The following DSCAM variants were observed in gnomAD, a reference collection of about 807,000 sequenced individuals.
The protein encoded by DSCAM is DS cell adhesion molecule.
Under a neutral mutation model 217.7 loss-of-function variants are expected in DSCAM, and 47 were observed. The observed-to-expected ratio is 0.22, with a 90% CI of 0.17 to 0.28. The LOEUF (loss-of-function observed/expected upper bound fraction) is 0.28. Among genes scored for constraint, DSCAM ranks in the 10% least tolerant of loss-of-function variants. The probability of loss-of-function intolerance (pLI) is 1.00; values close to 1 mark genes in which losing one functional copy is unlikely to be tolerated. For synonymous variants in DSCAM, 1,056 were observed against 1,015.3 expected, an observed-to-expected ratio of 1.04 and a Z score of -0.76; for missense variants, 2,080 against 2,618.3, an observed-to-expected ratio of 0.79 and a Z score of 4.49.
intron 4 of DSCAM, among the ~76,000 whole-genome samples, chr21:40,358,379 A>C (rs1394378476): frequency 1.3e-5 from 2 of 152,238 alleles, no homozygotes; most frequent in Non-Finnish European, 2.9e-5. Flanking sequence ...TATGGCCTAA[A>C]TATAACAGCT....
intron 3 of DSCAM, among the ~76,000 whole-genome samples, chr21:40,634,018 CAAAT>C (rs1165498907): frequency 6.6e-6 from 1 of 152,060 alleles, no homozygotes; most frequent in African/African-American, 2.4e-5. Flanking sequence ...CATAGCCTAA[CAAAT>C]AGAAAGAAAG....
chr21:40,689,407 T>C (rs1455791490), intron 3 of DSCAM, among the ~76,000 whole-genome samples: 1 of 152,112 alleles, frequency 6.6e-6, no homozygotes, highest in Non-Finnish European at 1.5e-5. Context: ...GGCTGACAGG[T>C]CACACTTCGC....
At chr21:40,772,539 T>C (rs1316219966) in intron 1 of DSCAM, among the ~76,000 whole-genome samples, 1 of 152,224 alleles carries the variant, frequency 6.6e-6, no homozygotes, top group Non-Finnish European at 1.5e-5. Flanking sequence ...CTATACCTCC[T>C]GCTGCGGGTG....
In DSCAM at chr21:40,368,017, C is replaced by G. The variant is rs1175189364; in HGVS notation, c.655+1082G>C. ...TGAGAGATACATTTAAAAATCAACA[C>G]TTGATGATTCAGCATGAAGATAAAA... On this transcript the variant is annotated intron_variant, in intron 4 of 32. Transcript: ENST00000400454. Among the ~76,000 whole-genome samples, 4 of 152,254 alleles carry G rather than the reference C, an allele frequency of 2.6e-5. No homozygotes were observed. The East Asian group carries it at 7.7e-4, about 29-fold the overall frequency.
intron 19 of DSCAM, among the ~76,000 whole-genome samples, chr21:40,133,652 G>C (rs2090176852): frequency 6.6e-6 from 1 of 152,050 alleles, no homozygotes; most frequent in African/African-American, 2.4e-5. Context: ...AAAATATAGA[G>C]GAAGAAGAAG....
intron 1 of DSCAM, among the ~76,000 whole-genome samples, chr21:40,784,064 A>G (rs962306924): frequency 6.8e-6 from 1 of 148,058 alleles, no homozygotes; most frequent in African/African-American, 2.5e-5. Flanking sequence ...AAATATATAC[A>G]AAAATATATA....
rs969567570 is a variant in DSCAM at position 40,016,663 on chromosome 21, G to T, written c.5687-3277C>A. ...AGGCCCCGAAGGTGCAGGCTGAGGG[G>T]ATCTGAGACCACCTGAGCCAAGTGA... On this transcript the variant is annotated intron_variant, in intron 32 of 32. Transcript: ENST00000400454. This position sits in a 1 kb window ranked among gnomAD's most constrained non-coding sequence, Gnocchi z 4.3. 1.4e-4 allele frequency among the ~76,000 whole-genome samples: 21 copies of T among 152,352 alleles called. No homozygotes were observed. The highest frequency in any genetic ancestry group is 2.8e-4 in the Non-Finnish European group (19 of 68,036).
intron 3 of DSCAM, among the ~76,000 whole-genome samples, chr21:40,453,385 C>T (rs1194151286): frequency 6.6e-6 from 1 of 152,206 alleles, no homozygotes; most frequent in Non-Finnish European, 1.5e-5. Flanking sequence ...CACTGACAAG[C>T]TGACAGCTGC....
chr21:40,527,307 T>C (rs1199018113), intron 3 of DSCAM, among the ~76,000 whole-genome samples: 1 of 152,204 alleles, frequency 6.6e-6, no homozygotes, highest in Non-Finnish European at 1.5e-5. Flanking sequence ...AGTCCCATAG[T>C]CTTCTTCTCC....
intron 20 of DSCAM, among the ~76,000 whole-genome samples, chr21:40,109,880 A>G (rs1174320272): frequency 2.0e-5 from 3 of 152,084 alleles, no homozygotes; most frequent in Non-Finnish European, 4.4e-5. Context: ...AGGGGCGCCC[A>G]CCATTGCGGA....
At chr21:40,141,527 A>C (rs2146711419) in intron 18 of DSCAM, among the ~76,000 whole-genome samples, 1 of 152,236 alleles carries the variant, frequency 6.6e-6, no homozygotes, top group East Asian at 1.9e-4. Flanking sequence ...GAGGCAGGAG[A>C]ATTGCTTGGG....
rs200413358 is a variant in DSCAM at position 40,178,955 on chromosome 21, G to T, written c.2919C>A (p.Asn973Lys). Residue 973 changes from asparagine to lysine, a missense_variant, in exon 15 of 33, where the codon AAC (asparagine) becomes AAA (lysine). Asn to Lys is a moderately conservative substitution (Grantham distance 94). Coordinates refer to ENST00000400454, the MANE Select transcript of DSCAM (RefSeq NM_001389.5). Reference protein sequence around the residue: ...KNRIGKSEPSNELTITADEAA... With the variant: ...KNRIGKSEPSKELTITADEAA... The stretch of plus-strand genomic sequence containing the variant: ...CCTCGTCCGCCGTGATGGTGAGCTC[G>T]TTGCTGGGCTCGCTCTTGCCAATCC... 1.9e-6 allele frequency: 3 copies of T among 1,613,968 alleles called. No homozygotes were observed. The highest frequency in any genetic ancestry group is 1.7e-5 in the Admixed American group (1 of 60,014).
intron 1 of DSCAM, among the ~76,000 whole-genome samples, chr21:40,843,310 G>A (rs1357479379): frequency 6.6e-6 from 1 of 151,752 alleles, no homozygotes; most frequent in Non-Finnish European, 1.5e-5. Flanking sequence ...CATGAAAGCG[G>A]ATGCAGTAGA....
chr21:40,725,180 C>T (rs542986844), intron 1 of DSCAM, among the ~76,000 whole-genome samples: 2 of 152,332 alleles, frequency 1.3e-5, no homozygotes, highest in South Asian at 4.1e-4. Flanking sequence ...TTGCCATTGG[C>T]ATCTCATGAC....
At chr21:40,260,163 T>C (rs2073431031) in intron 11 of DSCAM, among the ~76,000 whole-genome samples, 1 of 152,200 alleles carries the variant, frequency 6.6e-6, no homozygotes, top group South Asian at 2.1e-4. Flanking sequence ...TGCTCAAGCA[T>C]CTTTGGAATG....
intron 11 of DSCAM, among the ~76,000 whole-genome samples, chr21:40,237,002 T>C (rs1400706054): frequency 1.3e-5 from 2 of 152,196 alleles, no homozygotes; most frequent in Non-Finnish European, 2.9e-5. Context: ...ATCCCAGCGC[T>C]AGCTCTTCAA....
chr21:40,365,172 C>G lies in DSCAM; in HGVS notation c.655+3927G>C, dbSNP rs560285907. Among the ~76,000 whole-genome samples the G allele has an allele frequency of 7.9e-5, 12 of 152,092 alleles. No individual in the cohort carries two copies. The South Asian group carries it at 2.5e-3, about 32-fold the overall frequency. On this transcript the variant is annotated intron_variant, in intron 4 of 32. Transcript: ENST00000400454. ...CCTGGGTGTGTCTGTGAGGGTGTCA[C>G]CAAAGGAGATTAACATTTGAGTCAG...
chr21:40,317,721 C>T (rs186993708), intron 8 of DSCAM, among the ~76,000 whole-genome samples: 33 of 152,042 alleles, frequency 2.2e-4, no homozygotes, highest in South Asian at 1.0e-3. Context: ...TTAGTAGAGA[C>T]GGGGTTTCAC....
At chr21:40,684,456 G>A (rs2090452678) in intron 3 of DSCAM, among the ~76,000 whole-genome samples, 2 of 152,038 alleles carry the variant, frequency 1.3e-5, no homozygotes, top group African/African-American at 4.8e-5. Context: ...GACAGCCATG[G>A]TAGCTCCGCC....
Sources: allele counts gnomAD v4.1 joint callset (sites outside exome capture counted in the v4.1 genomes callset), GRCh38; gene constraint gnomAD v4.1.1; non-coding constraint Gnocchi (gnomAD v3.1); transcripts MANE v1.5; gene names NCBI Gene and HGNC (gene_info 2026-07-23, HGNC 2026-07-21).